The following ABTB3 variants were observed in gnomAD, a reference collection of about 807,000 sequenced individuals.
ABTB3 encodes ankyrin repeat- and BTB/POZ domain-containing protein 3.
At chr12:107,570,790 T>G in the ABTB3 span, among the ~76,000 whole-genome samples, 1 of 152,182 alleles carries the variant, frequency 6.6e-6, no homozygotes, top group East Asian at 1.9e-4. Context: ...CTCTCCAGCA[T>G]TGCCTCCTAC....
the ABTB3 span, among the ~76,000 whole-genome samples, chr12:107,570,426 G>T: frequency 6.6e-6 from 1 of 152,074 alleles, no homozygotes; most frequent in Non-Finnish European, 1.5e-5. Context: ...TGTTGGCCAG[G>T]CTGGTCTCGA....
chr12:107,586,546 C>T, the ABTB3 span, among the ~76,000 whole-genome samples: 24,546 of 152,132 alleles, frequency 0.16, 2,159 homozygotes, highest in East Asian at 0.29. Context: ...CTCCATGCCA[C>T]GGCCCTGTGG....
the ABTB3 span, among the ~76,000 whole-genome samples, chr12:107,641,697 C>T: frequency 6.6e-6 from 1 of 152,114 alleles, no homozygotes; most frequent in Non-Finnish European, 1.5e-5. Context: ...AAGTCCCTGC[C>T]CTCATGGAGC....
the ABTB3 span, among the ~76,000 whole-genome samples, chr12:107,394,394 A>AC: frequency 6.6e-6 from 1 of 152,158 alleles, no homozygotes; most frequent in Non-Finnish European, 1.5e-5. Flanking sequence ...TGTCATTAGT[A>AC]CTTCCTCCTG....
chr12:107,503,835 G>A, the ABTB3 span, among the ~76,000 whole-genome samples: 1 of 151,898 alleles, frequency 6.6e-6, no homozygotes, highest in Admixed American at 6.6e-5. Flanking sequence ...TGGCGGTGGA[G>A]AGGAGGGAAG....
the ABTB3 span, among the ~76,000 whole-genome samples, chr12:107,557,210 A>G: frequency 3.3e-5 from 5 of 152,346 alleles, no homozygotes; most frequent in East Asian, 7.7e-4. Flanking sequence ...AAACCCAGCT[A>G]GTATAGCCTC....
the ABTB3 span, among the ~76,000 whole-genome samples, chr12:107,643,264 C>T: frequency 1.1e-4 from 17 of 151,752 alleles, no homozygotes; most frequent in Admixed American, 2.0e-4. Flanking sequence ...ATTAGCCGGG[C>T]GTGGTCACAC....
At chr12:107,563,738 T>C in the ABTB3 span, among the ~76,000 whole-genome samples, 566 of 151,826 alleles carry the variant, frequency 3.7e-3, 2 homozygotes, top group Admixed American at 6.0e-3. Flanking sequence ...TTGTACTGGA[T>C]GGAAAGGGTA....
At chr12:107,480,114 T>G in the ABTB3 span, among the ~76,000 whole-genome samples, 1 of 151,948 alleles carries the variant, frequency 6.6e-6, no homozygotes. Context: ...GGATGGACAG[T>G]AGGATAGGGA....
At chr12:107,530,314 T>A in the ABTB3 span, among the ~76,000 whole-genome samples, 1 of 152,192 alleles carries the variant, frequency 6.6e-6, no homozygotes, top group African/African-American at 2.4e-5. Context: ...AGCTTTTTAA[T>A]GGAAGTTTTT....
At chr12:107,608,551 C>T in the ABTB3 span, among the ~76,000 whole-genome samples, 109 of 152,280 alleles carry the variant, frequency 7.2e-4, no homozygotes, top group African/African-American at 2.4e-3. Flanking sequence ...CAAAGCTTTT[C>T]TGCTCTCTCA....
At chr12:107,463,047 G>C in the ABTB3 span, among the ~76,000 whole-genome samples, 1 of 151,554 alleles carries the variant, frequency 6.6e-6, no homozygotes, top group South Asian at 2.1e-4. Context: ...GGTAGTGATG[G>C]TGATGATGGT....
the ABTB3 span, among the ~76,000 whole-genome samples, chr12:107,533,124 A>G: frequency 2.0e-5 from 3 of 152,232 alleles, no homozygotes; most frequent in African/African-American, 7.2e-5. Flanking sequence ...CAAATGAGAA[A>G]CAGAGATGAA....
At chr12:107,319,125 G>A in the ABTB3 span, 20 of 1,605,716 alleles carry the variant, frequency 1.2e-5, no homozygotes, top group East Asian at 4.0e-4. Flanking sequence ...ATGCACAGCC[G>A]GCACAACAGC....
At chr12:107,582,076 G>C in the ABTB3 span, among the ~76,000 whole-genome samples, 1 of 152,090 alleles carries the variant, frequency 6.6e-6, no homozygotes, top group African/African-American at 2.4e-5. Flanking sequence ...ATCCAACCAG[G>C]CCAAGGGCAG....
the ABTB3 span, among the ~76,000 whole-genome samples, chr12:107,555,702 A>G: frequency 1.3e-5 from 2 of 152,198 alleles, no homozygotes; most frequent in Non-Finnish European, 2.9e-5. Flanking sequence ...CCTCTATACC[A>G]TGCGCCTCAT....
the ABTB3 span, among the ~76,000 whole-genome samples, chr12:107,398,703 G>A: frequency 6.6e-6 from 1 of 152,116 alleles, no homozygotes; most frequent in Non-Finnish European, 1.5e-5. Context: ...CTGGGGCTGG[G>A]GGACAGGTAG....
chr12:107,432,094 A>C, the ABTB3 span, among the ~76,000 whole-genome samples: 3 of 152,238 alleles, frequency 2.0e-5, no homozygotes. Flanking sequence ...CCACAGCCAC[A>C]GGGCCATTTC....
the ABTB3 span, among the ~76,000 whole-genome samples, chr12:107,436,915 G>A: frequency 6.6e-6 from 1 of 152,118 alleles, no homozygotes; most frequent in South Asian, 2.1e-4. Flanking sequence ...TTGAGAGCCT[G>A]ATGAAAGCTA....
Sources: allele counts gnomAD v4.1 joint callset (sites outside exome capture counted in the v4.1 genomes callset), GRCh38; gene constraint gnomAD v4.1.1; transcripts MANE v1.5; gene names NCBI Gene and HGNC (gene_info 2026-07-23, HGNC 2026-07-21).